RTCB: variants seen among roughly 807,000 people sequenced by gnomAD.
RTCB encodes the protein RNA-splicing ligase RTCB.
In RTCB, 32 loss-of-function variants were observed where a neutral mutation model predicts 58.2. That is an observed-to-expected ratio of 0.55 (90% CI 0.41 to 0.74). The LOEUF is 0.74. Ranked by LOEUF, RTCB falls within the 30% of genes least tolerant of loss-of-function variation. The pLI, the probability that RTCB is intolerant of heterozygous loss-of-function variation, is 0.00. For missense variants in RTCB, 523 were observed against 639.0 expected, an observed-to-expected ratio of 0.82 and a Z score of 1.96; for synonymous variants, 247 against 218.6, an observed-to-expected ratio of 1.13 and a Z score of -1.15.
chr22:32,390,278 A>G (rs1294645404), intron 11 of RTCB, among the ~76,000 whole-genome samples: 2 of 152,232 alleles, frequency 1.3e-5, no homozygotes, highest in Non-Finnish European at 2.9e-5. Context: ...AACAGTACCT[A>G]ACTATAGCGG....
chr22:32,396,297 G>C (rs761947628), intron 7 of RTCB, 48 bp from the exon 8 acceptor site: 3 of 1,579,548 alleles, frequency 1.9e-6, no homozygotes, highest in Non-Finnish European at 2.6e-6. Flanking sequence ...TCCCTTAAAT[G>C]AACAGTTCAG....
Position 32,390,650 on chromosome 22 carries a change from G to A in RTCB, c.1410+1590C>T, listed in dbSNP as rs373086598. 3.3e-5 allele frequency among the ~76,000 whole-genome samples: 5 copies of A among 152,058 alleles called. 1 individual carries two copies. In the South Asian group the frequency reaches 8.3e-4, roughly 25 times the overall value. On this transcript the variant is annotated intron_variant, in intron 11 of 11. Transcript: ENST00000216038. ...TTTTTAGTAGAGATGGGGTTTCACC[G>A]TGTTAGCCAGGATGGTCTTGATCTC... is the stretch of plus-strand genomic sequence containing the variant.
At chr22:32,411,963 G>T in intron 1 of RTCB, 101 bp downstream of exon 1, 1 of 830,224 alleles carries the variant, frequency 1.2e-6, no homozygotes, top group South Asian at 1.7e-5. Context: ...CAAGGGGCCG[G>T]GGCGGACCCA....
In RTCB at chr22:32,412,013, C is replaced by A. The variant is rs557319312; in HGVS notation, c.93+51G>T. 540 of 1,464,062 alleles carry A rather than the reference C, an allele frequency of 3.7e-4. 11 individuals are homozygous for A. The South Asian group carries it at 6.2e-3, about 17-fold the overall frequency. 90.7% of individuals were successfully genotyped at this position (1,464,062 alleles called of 1,614,324 possible). On this transcript the variant is annotated intron_variant, in intron 1 of 11. Coordinates refer to ENST00000216038, the MANE Select transcript of RTCB (RefSeq NM_014306.5). ...TCCAGAGGGCGCAGTGGACGCCGGC[C>A]GGGCCGGGGACGGAGCACGGAAGGC...
intron 6 of RTCB, among the ~76,000 whole-genome samples, chr22:32,398,920 A>G (rs898999220): frequency 2.6e-5 from 4 of 152,212 alleles, no homozygotes; most frequent in Non-Finnish European, 5.9e-5. Context: ...CCAGTTTTCC[A>G]TAAGAAAATG....
chr22:32,399,541 T>A, intron 6 of RTCB, 62 bp downstream of exon 6: 1 of 1,458,726 alleles, frequency 6.9e-7, no homozygotes, highest in East Asian at 2.3e-5. Context: ...TAGATTTTTT[T>A]CCCCCAATAA....
At chr22:32,404,484 G>A (rs537523109) in intron 4 of RTCB, among the ~76,000 whole-genome samples, 3 of 152,260 alleles carry the variant, frequency 2.0e-5, no homozygotes, top group Middle Eastern at 3.4e-3. Flanking sequence ...ATAGCTCACT[G>A]TAGCCTCAAC....
chr22:32,401,088 A>G (rs985261025), intron 5 of RTCB, among the ~76,000 whole-genome samples: 6 of 141,364 alleles, frequency 4.2e-5, no homozygotes, highest in African/African-American at 1.7e-4. Flanking sequence ...ATCACCTACT[A>G]AGTTTTTTTT....
At chr22:32,400,683 G>C (rs1297183063) in intron 5 of RTCB, among the ~76,000 whole-genome samples, 2 of 152,160 alleles carry the variant, frequency 1.3e-5, no homozygotes, top group African/African-American at 4.8e-5. Flanking sequence ...CAAGTATATT[G>C]ATTTTACTTA....
At chr22:32,406,266 G>T (rs1933418225) in intron 4 of RTCB, among the ~76,000 whole-genome samples, 4 of 152,142 alleles carry the variant, frequency 2.6e-5, no homozygotes, top group Admixed American at 2.0e-4. Flanking sequence ...ATGAGACTGA[G>T]TCATGCACAT....
At chr22:32,389,619 C>A (rs930288516) in intron 11 of RTCB, among the ~76,000 whole-genome samples, 6 of 152,114 alleles carry the variant, frequency 3.9e-5, no homozygotes, top group African/African-American at 1.4e-4. Context: ...AGCTTCTTCT[C>A]TCCTTTTATA....
chr22:32,396,165 G>C lies in RTCB; in HGVS notation c.899C>G (p.Ser300Cys). ...CTTCAGATAGTCTTGACCCTCTGGG[G>C]AAGCGATTCGAGCACAAGCCAACTG... ...DRQLACARIA[S>C]PEGQDYLKGM... Residue 300 changes from serine (S) to cysteine (C), a missense_variant, in exon 8 of 12, where the codon TCC (serine) becomes TGC (cysteine). Transcript: ENST00000216038. 1 of 1,614,148 alleles carries C rather than the reference G, an allele frequency of 6.2e-7. No homozygotes were observed. Among genetic ancestry groups the C allele is most frequent in the Non-Finnish European group, 8.5e-7 (1 of 1,180,022 alleles).
chr22:32,401,600 C>A, intron 5 of RTCB, 147 bp downstream of exon 5: 1 of 818,924 alleles, frequency 1.2e-6, no homozygotes, highest in South Asian at 2.1e-5. Flanking sequence ...ATGGGCTGTA[C>A]CTCATGCTTA....
chr22:32,402,321 A>G (rs1215889989), intron 4 of RTCB, among the ~76,000 whole-genome samples: 4 of 152,150 alleles, frequency 2.6e-5, no homozygotes, highest in Non-Finnish European at 4.4e-5. Context: ...TTTTTAGGGT[A>G]TAATTTGTTG....
intron 8 of RTCB, among the ~76,000 whole-genome samples, chr22:32,395,607 C>T (rs1310181700): frequency 1.3e-5 from 2 of 152,214 alleles, no homozygotes; most frequent in Admixed American, 6.5e-5. Context: ...TAAGACAACA[C>T]CAAAACCTTG....
chr22:32,411,036 C>T (rs1933513138), intron 1 of RTCB, among the ~76,000 whole-genome samples: 1 of 152,146 alleles, frequency 6.6e-6, no homozygotes, highest in Admixed American at 6.5e-5. Flanking sequence ...TTCCTTCCTT[C>T]AGGGTAACGG....
chr22:32,399,451 TA>T, intron 6 of RTCB, 151 bp downstream of exon 6: 1 of 768,016 alleles, frequency 1.3e-6, no homozygotes, highest in Non-Finnish European at 2.0e-6. Context: ...TTTTTTAGAA[TA>T]AAAATGAAGC....
chr22:32,393,941 C>G lies in RTCB; in HGVS notation c.1241G>C (p.Gly414Ala). Residue 414 changes from glycine to alanine, a missense_variant, in exon 10 of 12, where the codon GGC (glycine) becomes GCC (alanine). Gly to Ala is a moderately conservative substitution (Grantham distance 60, BLOSUM62 0). This residue lies in a region of RTCB where 248 missense variants were observed against 292.5 expected (regional missense o/e 0.85). Transcript: ENST00000216038. Reference protein sequence around the residue: ...TMGTCSYVLTGTEQGMTETFG... With the variant: ...TMGTCSYVLTATEQGMTETFG... ...GGTCTCAGTCATGCCCTGTTCAGTG[C>G]CAGTAAGAACATAACTACAGGTTCC... 1 of 1,614,086 alleles carries G rather than the reference C, an allele frequency of 6.2e-7. No individual in the cohort carries two copies. Among genetic ancestry groups the G allele is most frequent in the Non-Finnish European group, 8.5e-7 (1 of 1,179,972 alleles).
chr22:32,409,919 G>C (rs948233473), intron 1 of RTCB, among the ~76,000 whole-genome samples: 1 of 151,366 alleles, frequency 6.6e-6, no homozygotes, highest in African/African-American at 2.4e-5. Context: ...CTGGGTTCAC[G>C]CCATTCTCCT....
Sources: allele counts gnomAD v4.1 joint callset (sites outside exome capture counted in the v4.1 genomes callset), GRCh38; gene constraint gnomAD v4.1.1; regional missense constraint gnomAD v4.1.1; transcripts MANE v1.5; gene names NCBI Gene and HGNC (gene_info 2026-07-23, HGNC 2026-07-21).